HDAC9: variants seen among roughly 807,000 people sequenced by gnomAD.
HDAC9 encodes the protein MEF-2 interacting transcription repressor (MITR) protein.
HDAC9 carries 41 observed loss-of-function variants against 139.4 expected under a neutral mutation model. The observed-to-expected ratio is 0.29, with a 90% CI of 0.23 to 0.38. The LOEUF (loss-of-function observed/expected upper bound fraction) is 0.38, where lower values mean the gene tolerates loss of function less well. Among genes scored for constraint, HDAC9 ranks in the 10% least tolerant of loss-of-function variants. The pLI is 1.00. For missense variants in HDAC9, 1,147 were observed against 1,297.0 expected, an observed-to-expected ratio of 0.88 and a Z score of 1.78; for synonymous variants, 517 against 476.2, an observed-to-expected ratio of 1.09 and a Z score of -1.12.
chr7:18,254,790 A>AT (rs1219329759), intron 2 of HDAC9, among the ~76,000 whole-genome samples: 2 of 152,170 alleles, frequency 1.3e-5, no homozygotes, highest in Non-Finnish European at 2.9e-5. Flanking sequence ...CTTTGATATG[A>AT]TTTTTTAAGT....
At chr7:18,841,063 G>T (rs2129215159) in intron 21 of HDAC9, among the ~76,000 whole-genome samples, 1 of 152,180 alleles carries the variant, frequency 6.6e-6, no homozygotes, top group East Asian at 1.9e-4. Flanking sequence ...TGGAACTATA[G>T]TAGATAATTT....
intron 1 of HDAC9, among the ~76,000 whole-genome samples, chr7:18,125,435 G>GTC: frequency 1.3e-5 from 1 of 75,320 alleles, no homozygotes; most frequent in Middle Eastern, 6.7e-3. Context: ...ATATATGCGT[G>GTC]TGTGTGTGTG....
intron 1 of HDAC9, among the ~76,000 whole-genome samples, chr7:18,382,592 A>T (rs928446124): frequency 2.0e-5 from 3 of 152,250 alleles, no homozygotes; most frequent in Non-Finnish European, 4.4e-5. Context: ...GTGTAGAGAA[A>T]GACAATAAGG....
At chr7:18,216,053 T>A (rs913092742) in intron 2 of HDAC9, among the ~76,000 whole-genome samples, 1 of 151,856 alleles carries the variant, frequency 6.6e-6, no homozygotes, top group African/African-American at 2.4e-5. Flanking sequence ...CACAATTTTA[T>A]TTTTAGGTGT....
chr7:18,358,223 T>C (rs1190929491), intron 1 of HDAC9, among the ~76,000 whole-genome samples: 1 of 152,060 alleles, frequency 6.6e-6, no homozygotes, highest in Non-Finnish European at 1.5e-5. Context: ...ACAAAGAAGT[T>C]TAGAAGGTGG....
At chr7:18,290,514 G>C in exon 1 of HDAC9, 1 of 456,548 alleles carries the variant, frequency 2.2e-6, no homozygotes, top group Non-Finnish European at 4.4e-6. Context: ...ACAACAAAAC[G>C]GGTAAGTTTC....
chr7:18,400,817 C>T (rs1787471417), intron 1 of HDAC9, among the ~76,000 whole-genome samples: 1 of 152,146 alleles, frequency 6.6e-6, no homozygotes, highest in Admixed American at 6.5e-5. Context: ...GTGACATTCC[C>T]CTTCAAAAAC....
intron 12 of HDAC9, among the ~76,000 whole-genome samples, chr7:18,669,290 G>A (rs190591760): frequency 7.1e-4 from 108 of 151,774 alleles, no homozygotes; most frequent in African/African-American, 2.0e-3. Flanking sequence ...TCCAAGTGTC[G>A]TAATAATTAT....
chr7:18,664,989 C>G (rs141159722), intron 11 of HDAC9, among the ~76,000 whole-genome samples: 63 of 152,240 alleles, frequency 4.1e-4, no homozygotes, highest in African/African-American at 1.5e-3. Context: ...ACAGTGAAAT[C>G]AAAGGACTTT....
chr7:18,370,826 A>C (rs1319704871), intron 1 of HDAC9, among the ~76,000 whole-genome samples: 1 of 152,144 alleles, frequency 6.6e-6, no homozygotes. Context: ...AATTGCACTG[A>C]TTGGCATTGA....
chr7:18,200,837 G>A lies in HDAC9; in HGVS notation c.25+38488G>A, dbSNP rs536138630. Reference sequence around the variant, plus strand: ...CTCAGCAGTTTCTAAACCTATTGCAGATCAACAGCTTTTTCTTCTTTCTTA... The same window carrying A: ...CTCAGCAGTTTCTAAACCTATTGCAAATCAACAGCTTTTTCTTCTTTCTTA... On this transcript the variant is annotated intron_variant, in intron 2 of 12. Coordinates refer to the HDAC9 transcript ENST00000417496. 1.9e-3 allele frequency among the ~76,000 whole-genome samples: 286 copies of A among 152,240 alleles called. 3 individuals carry two copies. In the Middle Eastern group the frequency reaches 0.027, roughly 14 times the overall value.
intron 5 of HDAC9, among the ~76,000 whole-genome samples, chr7:18,593,207 A>G (rs1370738668): frequency 1.3e-5 from 2 of 152,128 alleles, no homozygotes; most frequent in Non-Finnish European, 2.9e-5. Flanking sequence ...TGGTGATACT[A>G]TGTCCTGTTC....
chr7:18,920,808 G>A (rs1034356858), intron 22 of HDAC9, among the ~76,000 whole-genome samples: 25 of 152,108 alleles, frequency 1.6e-4, no homozygotes, highest in East Asian at 3.9e-4. Flanking sequence ...ATTGATTTTC[G>A]TATGTTGAAC....
intron 1 of HDAC9, among the ~76,000 whole-genome samples, chr7:18,408,088 T>G (rs1291354378): frequency 6.6e-6 from 1 of 152,166 alleles, no homozygotes; most frequent in Non-Finnish European, 1.5e-5. Context: ...AGCATTATAC[T>G]TGGCGCAAAG....
intron 1 of HDAC9, among the ~76,000 whole-genome samples, chr7:18,133,710 T>C (rs1785182948): frequency 6.6e-6 from 1 of 152,042 alleles, no homozygotes; most frequent in African/African-American, 2.4e-5. Flanking sequence ...ACCAAAAGCA[T>C]AAAATGGAAA....
At chr7:18,916,908 C>G (rs538679080) in intron 22 of HDAC9, among the ~76,000 whole-genome samples, 1 of 152,110 alleles carries the variant, frequency 6.6e-6, no homozygotes, top group South Asian at 2.1e-4. Context: ...TCTCAACAGT[C>G]TGCACATCTG....
chr7:18,873,079 T>C (rs1171751813), intron 21 of HDAC9, among the ~76,000 whole-genome samples: 1 of 152,118 alleles, frequency 6.6e-6, no homozygotes, highest in African/African-American at 2.4e-5. Flanking sequence ...TCAGGAAAAA[T>C]AGTGAATTTA....
At chr7:18,104,589 A>G (rs1783078039) in intron 1 of HDAC9, among the ~76,000 whole-genome samples, 1 of 152,156 alleles carries the variant, frequency 6.6e-6, no homozygotes, top group Non-Finnish European at 1.5e-5. Flanking sequence ...CCCAGTGTGA[A>G]AAGACTCCCT....
chr7:18,261,456 C>T (rs1185262235), intron 2 of HDAC9, among the ~76,000 whole-genome samples: 1 of 152,170 alleles, frequency 6.6e-6, no homozygotes, highest in African/African-American at 2.4e-5. Flanking sequence ...AAGAAATAAA[C>T]ATATACCACA....
Sources: gnomAD v4.1 joint callset for allele counts (sites outside exome capture counted in the v4.1 genomes callset) on GRCh38, gnomAD v4.1.1 for gene constraint, MANE v1.5 for transcripts, NCBI Gene and HGNC (gene_info 2026-07-23, HGNC 2026-07-21) for gene names.